The following TNIK variants were observed in gnomAD, a reference collection of about 807,000 sequenced individuals.
TNIK encodes the protein TRAF2 and NCK interacting kinase.
Under a neutral mutation model 191.3 loss-of-function variants are expected in TNIK, and 49 were observed. The ratio of observed to expected loss-of-function variants is 0.26; its 90% CI spans 0.20 to 0.32. The LOEUF is 0.32. Among genes scored for constraint, TNIK ranks in the 10% least tolerant of loss-of-function variants. The pLI is 1.00. For synonymous variants in TNIK, 594 were observed against 600.9 expected (o/e 0.99, Z 0.17); for missense variants, 1,155 against 1,702.3 (o/e 0.68, Z 5.66).
At chr3:171,107,322 G>A in intron 20 of TNIK, 116 bp from the exon 21 acceptor site, 1 of 890,220 alleles carries the variant, frequency 1.1e-6, no homozygotes, top group Non-Finnish European at 1.7e-6. Flanking sequence ...AAATACAAAA[G>A]GGCGAAGAGA....
intron 3 of TNIK, among the ~76,000 whole-genome samples, chr3:171,217,988 T>C (rs989193012): frequency 2.0e-5 from 3 of 152,104 alleles, no homozygotes; most frequent in Admixed American, 2.0e-4. Context: ...AAATAAAAAT[T>C]GTCTGCAAAA....
intron 7 of TNIK, among the ~76,000 whole-genome samples, chr3:171,186,203 A>T (rs967016525): frequency 1.3e-5 from 2 of 152,246 alleles, no homozygotes; most frequent in African/African-American, 4.8e-5. Flanking sequence ...GACAGGTTAC[A>T]TTCCTAAGGA....
chr3:171,369,771 G>A (rs1220387718), intron 1 of TNIK, 86 bp from the exon 2 acceptor site: 117 of 1,109,008 alleles, frequency 1.1e-4, no homozygotes, highest in Non-Finnish European at 1.1e-4. Context: ...TTTAAATTAA[G>A]CAAATAAATA....
At chr3:171,334,836 TA>T (rs1338787184) in intron 2 of TNIK, among the ~76,000 whole-genome samples, 1 of 151,728 alleles carries the variant, frequency 6.6e-6, no homozygotes, top group Non-Finnish European at 1.5e-5. Flanking sequence ...GTATTAAATT[TA>T]AAAACTTGAA....
rs2291900 is a variant in TNIK, at chr3:171,108,131, G to A, written c.2316C>T (p.Leu772=). ...GTTTCACCTTCGCAGGCTCATGGGGGAGCACAGGTGATCCTTCTGACTTAC... is the reference window on the plus strand; with the variant it reads ...GTTTCACCTTCGCAGGCTCATGGGGAAGCACAGGTGATCCTTCTGACTTAC... ...ANSKSEGSPV[L]PHEPAKVKPE... The change falls in exon 20 of 33, where the codon CTC becomes CTT. Residue 772 remains leucine (L), a synonymous_variant. Coordinates refer to ENST00000436636, the MANE Select transcript of TNIK (RefSeq NM_015028.4). 430,460 of 1,571,906 alleles carry A rather than the reference G, an allele frequency of 0.27. 61,053 individuals carry two copies. The highest frequency in any genetic ancestry group is 0.29 in the Non-Finnish European group (335,838 of 1,157,464).
intron 1 of TNIK, among the ~76,000 whole-genome samples, chr3:171,412,486 T>C (rs1722536205): frequency 6.6e-6 from 1 of 152,236 alleles, no homozygotes; most frequent in Non-Finnish European, 1.5e-5. Flanking sequence ...AAAGCAATCA[T>C]TTTTAAAAAT....
At chr3:171,435,682 A>G (rs1443845611) in intron 1 of TNIK, among the ~76,000 whole-genome samples, 2 of 152,232 alleles carry the variant, frequency 1.3e-5, no homozygotes, top group Non-Finnish European at 2.9e-5. Context: ...AATATGTTGT[A>G]TTAATAGACT....
Position 171,408,689 on chromosome 3 carries a change from A to G in TNIK, c.58-39004T>C, listed in dbSNP as rs539284565. 5.9e-5 allele frequency among the ~76,000 whole-genome samples: 9 copies of G among 152,278 alleles called. No homozygotes were observed. In the South Asian group the frequency reaches 1.5e-3, roughly 25 times the overall value. On this transcript the variant is annotated intron_variant, in intron 1 of 32. Coordinates refer to ENST00000436636, the MANE Select transcript of TNIK (RefSeq NM_015028.4). ...TGTTGTGATGATTAAATGAAGTGCCATGCTAAAGGGCCTGATACCTACCAG... is the reference window on the plus strand; with the variant it reads ...TGTTGTGATGATTAAATGAAGTGCCGTGCTAAAGGGCCTGATACCTACCAG...
At chr3:171,071,368 A>G (rs546196159) in intron 28 of TNIK, 45 bp from the exon 29 acceptor site, 35 of 1,333,224 alleles carry the variant, frequency 2.6e-5, no homozygotes, top group Admixed American at 4.3e-5. Flanking sequence ...CAATTTACTC[A>G]AGTTCTTTGT....
rs114125640 is a variant in TNIK, at chr3:171,302,073, T to C, written c.123+67547A>G. On this transcript the variant is annotated intron_variant, in intron 2 of 32. Coordinates refer to ENST00000436636, the MANE Select transcript of TNIK (RefSeq NM_015028.4). ...TACATTGTATTACTCTCACAATTCT[T>C]CTGCTTAATTTGAAATGTTCTATTT... Among the ~76,000 whole-genome samples, 332 of 152,324 alleles carry C rather than the reference T, an allele frequency of 2.2e-3. 3 individuals carry two copies. Among genetic ancestry groups the C allele is most frequent in the African/African-American group, 7.5e-3 (311 of 41,574 alleles).
chr3:171,381,662 A>G (rs1023566891), intron 1 of TNIK, among the ~76,000 whole-genome samples: 5 of 152,226 alleles, frequency 3.3e-5, no homozygotes, highest in African/African-American at 1.2e-4. Context: ...CTCAAAATCT[A>G]CATGCCCTTG....
rs914772750 is a variant in TNIK, at chr3:171,060,059, A to G, written c.*3822T>C. Among the ~76,000 whole-genome samples, 5 of 152,102 alleles carry G rather than the reference A, an allele frequency of 3.3e-5. No homozygotes were observed. Among genetic ancestry groups the G allele is most frequent in the African/African-American group, 1.2e-4 (5 of 41,368 alleles). ...AATAATGTAGCACATCTTACATCTT[A>G]AAGCAATCAGCACAAATGCAAGTGA... On this transcript the variant is annotated 3_prime_UTR_variant, in exon 33 of 33. Coordinates refer to ENST00000436636, the MANE Select transcript of TNIK (RefSeq NM_015028.4).
At chr3:171,186,396 A>G (rs1243074000) in intron 7 of TNIK, among the ~76,000 whole-genome samples, 2 of 152,332 alleles carry the variant, frequency 1.3e-5, no homozygotes, top group South Asian at 2.1e-4. Flanking sequence ...TTTATTATTT[A>G]CTATTTGATT....
intron 9 of TNIK, among the ~76,000 whole-genome samples, chr3:171,172,939 T>C (rs931666060): frequency 2.0e-5 from 3 of 152,196 alleles, no homozygotes; most frequent in African/African-American, 7.2e-5. Context: ...TCCTAAAAGT[T>C]TGTATTTCTC....
chr3:171,460,145 G>C lies in TNIK; in HGVS notation c.-82C>G. ...AATTCCACCTTGGTCTATTTCACTCGCGTCCTCATGCGGGTGTCGCGCCAG... is the reference window on the plus strand; with the variant it reads ...AATTCCACCTTGGTCTATTTCACTCCCGTCCTCATGCGGGTGTCGCGCCAG... On this transcript the variant is annotated 5_prime_UTR_variant, in exon 1 of 33. Transcript: ENST00000436636. This position sits in a 1 kb window ranked among gnomAD's most constrained non-coding sequence, Gnocchi z 6.8. 1 of 1,518,682 alleles carries C rather than the reference G, an allele frequency of 6.6e-7. No individual in the cohort carries two copies. Among genetic ancestry groups the C allele is most frequent in the Non-Finnish European group, 8.9e-7 (1 of 1,121,894 alleles). The allele number at this position is 1,518,682 out of a possible 1,614,324, so 94.1% of individuals were successfully genotyped here. A position where few individuals can be genotyped will look rare whatever the true frequency, so the allele number is the denominator to read the frequency against.
intron 1 of TNIK, among the ~76,000 whole-genome samples, chr3:171,385,918 C>A (rs1718667355): frequency 6.6e-6 from 1 of 152,132 alleles, no homozygotes; most frequent in Non-Finnish European, 1.5e-5. Context: ...AGAATATAAG[C>A]CAGTCATTTT....
intron 2 of TNIK, among the ~76,000 whole-genome samples, chr3:171,228,785 G>T (rs564904866): frequency 6.6e-6 from 1 of 152,256 alleles, no homozygotes; most frequent in African/African-American, 2.4e-5. Flanking sequence ...CCCCAAGGTG[G>T]GCTCTTTTGG....
intron 2 of TNIK, among the ~76,000 whole-genome samples, chr3:171,296,796 A>T (rs184315078): frequency 4.6e-5 from 7 of 152,330 alleles, no homozygotes; most frequent in African/African-American, 1.4e-4. Flanking sequence ...TGACACTTTT[A>T]TCTAGAACAC....
intron 2 of TNIK, among the ~76,000 whole-genome samples, chr3:171,283,407 T>G (rs772275668): frequency 6.6e-6 from 1 of 152,160 alleles, no homozygotes; most frequent in Non-Finnish European, 1.5e-5. Flanking sequence ...ATAGTATAAC[T>G]AAAGGAAGGG....
Sources: gnomAD v4.1 joint callset for allele counts (sites outside exome capture counted in the v4.1 genomes callset) on GRCh38, gnomAD v4.1.1 for gene constraint, Gnocchi (gnomAD v3.1) non-coding constraint, MANE v1.5 for transcripts, NCBI Gene and HGNC (gene_info 2026-07-23, HGNC 2026-07-21) for gene names.